The following ARMH1 variants were observed in gnomAD, a reference collection of about 807,000 sequenced individuals.
ARMH1 encodes the protein armadillo-like helical domain containing protein 1.
ARMH1 carries 34 observed loss-of-function variants against 50.2 expected under a neutral mutation model. The observed-to-expected ratio is 0.68, with a 90% CI of 0.51 to 0.90. The LOEUF is 0.90. ARMH1 is among the 40% of genes least tolerant of loss of function. The pLI, the probability that ARMH1 is intolerant of heterozygous loss-of-function variation, is 0.00. For missense variants in ARMH1, 538 were observed against 553.9 expected (o/e 0.97, Z 0.29); for synonymous variants, 221 against 224.2 (o/e 0.99, Z 0.13).
chr1:44,688,348 A>G (rs1451663887), intron 1 of ARMH1: 1 of 152,268 alleles, frequency 6.6e-6, no homozygotes, highest in Non-Finnish European at 1.5e-5. Context: ...CTGTCTCCGC[A>G]TGCCTCAGAT....
In ARMH1 at chr1:44,712,535, CAAAA is replaced by C. The variant is rs35480137; in HGVS notation, c.724+8381_724+8384del. On this transcript the variant is annotated intron_variant, in intron 6 of 11. Transcript: ENST00000535358. ...CTGTGGTCCCAGCTACAGGGAACCG[CAAAA>C]AAAAAAAAAAAAAAAAAAGGACAGA... Among the ~76,000 whole-genome samples the C allele has an allele frequency of 5.2e-3, 334 of 64,812 alleles. 2 individuals are homozygous for C. The highest frequency in any genetic ancestry group is 0.015 in the East Asian group (39 of 2,674). 42.5% of individuals were successfully genotyped at this position (64,812 alleles called of 152,430 possible).
intron 1 of ARMH1, 23 bp from the exon 2 acceptor site, chr1:44,689,653 G>C (rs1375444599): frequency 8.6e-6 from 13 of 1,513,996 alleles, no homozygotes; most frequent in South Asian, 3.6e-5. Context: ...CCGGTAACCT[G>C]TCTCTTTTCC....
At position 44,724,531 on chromosome 1, in the gene ARMH1, C is replaced by A; in HGVS notation, c.921-8C>A. On this transcript the variant is annotated splice_region_variant and splice_polypyrimidine_tract_variant and intron_variant, in intron 8 of 11. Coordinates refer to ENST00000535358, the MANE Select transcript of ARMH1 (RefSeq NM_001145636.2). The surrounding 1 kb of genome is among the most constrained non-coding windows in gnomAD (Gnocchi z 6.4). ...AGGGCGTCGCCCCAGCCCGAACCCC[C>A]GGCCCAGGGTCCTGGCGCGCAACGA... The A allele has an allele frequency of 6.6e-7, 1 of 1,505,744 alleles. No individual in the cohort carries two copies. The highest frequency in any genetic ancestry group is 2.7e-5 in the East Asian group (1 of 36,426). The allele number at this position is 1,505,744 out of a possible 1,614,324, so 93.3% of individuals were successfully genotyped here.
chr1:44,708,129 G>C (rs1002081404), intron 6 of ARMH1, among the ~76,000 whole-genome samples: 1 of 152,236 alleles, frequency 6.6e-6, no homozygotes, highest in Non-Finnish European at 1.5e-5. Context: ...GAAGAAATTC[G>C]CACGCCTTCA....
At chr1:44,714,554 C>T (rs1196383455) in intron 6 of ARMH1, among the ~76,000 whole-genome samples, 4 of 150,790 alleles carry the variant, frequency 2.7e-5, no homozygotes, top group South Asian at 4.2e-4. Context: ...CATTGCACTC[C>T]GGCCTGGGCA....
intron 6 of ARMH1, among the ~76,000 whole-genome samples, chr1:44,713,575 G>A (rs1420823665): frequency 6.6e-6 from 1 of 152,176 alleles, no homozygotes; most frequent in Non-Finnish European, 1.5e-5. Flanking sequence ...AAAAGTATAT[G>A]AGCACTTCAA....
Position 44,724,047 on chromosome 1 carries a change from G to A in ARMH1, c.725-75G>A, listed in dbSNP as rs1338963929. ...GGAGGACACTGACGAGTGGCGACTT[G>A]GTTCACGGGGTTCTTTGCTTCCTCG... On this transcript the variant is annotated intron_variant, in intron 6 of 11. Coordinates refer to ENST00000535358, the MANE Select transcript of ARMH1 (RefSeq NM_001145636.2). The surrounding 1 kb of genome is among the most constrained non-coding windows in gnomAD (Gnocchi z 6.4). 1.3e-6 allele frequency: 2 copies of A among 1,507,670 alleles called. No individual in the cohort carries two copies. Among genetic ancestry groups the A allele is most frequent in the East Asian group, 2.5e-5 (1 of 40,598 alleles). 93.4% of individuals were successfully genotyped at this position (1,507,670 alleles called of 1,614,324 possible).
intron 1 of ARMH1, chr1:44,688,991 C>T (rs1645566516): frequency 1.3e-5 from 2 of 152,172 alleles, no homozygotes; most frequent in Admixed American, 1.3e-4. Context: ...CTCTCAAGAC[C>T]TCAAGCCTCT....
intron 6 of ARMH1, among the ~76,000 whole-genome samples, chr1:44,707,558 T>C (rs937486049): frequency 5.9e-5 from 9 of 152,282 alleles, no homozygotes; most frequent in Admixed American, 5.9e-4. Context: ...GCCTCCCAAG[T>C]AGCTGGGACT....
intron 1 of ARMH1, among the ~76,000 whole-genome samples, chr1:44,685,839 G>C (rs1427896726): frequency 6.6e-6 from 1 of 152,034 alleles, no homozygotes; most frequent in Non-Finnish European, 1.5e-5. Context: ...TGTTGGCCAG[G>C]ATGGTCTTGA....
intron 1 of ARMH1, among the ~76,000 whole-genome samples, chr1:44,680,990 G>A (rs776361273): frequency 9.5e-5 from 14 of 147,494 alleles, no homozygotes; most frequent in Non-Finnish European, 1.8e-4. Flanking sequence ...GCCCCCTTCC[G>A]ATCCCCTTTT....
chr1:44,704,014 C>G (rs1431520116), intron 5 of ARMH1, 75 bp from the exon 6 acceptor site: 1 of 1,280,464 alleles, frequency 7.8e-7, no homozygotes, highest in Admixed American at 2.1e-5. Context: ...GCGTGAGCCA[C>G]CGCACCCGGC....
In ARMH1 at chr1:44,723,401, T is replaced by A. The variant is rs56211301; in HGVS notation, c.725-721T>A. ...AAGACTGAGTGAATGCTGGACTGAA[T>A]GAATGACTGCCTGTAAAATATCTAC... On this transcript the variant is annotated intron_variant, in intron 6 of 11. Coordinates refer to ENST00000535358, the MANE Select transcript of ARMH1 (RefSeq NM_001145636.2). Among the ~76,000 whole-genome samples, 9 of 152,300 alleles carry A rather than the reference T, an allele frequency of 5.9e-5. No homozygotes were observed. In the East Asian group the frequency reaches 1.7e-3, roughly 29 times the overall value.
At chr1:44,686,549 G>T (rs1573305962) in intron 1 of ARMH1, among the ~76,000 whole-genome samples, 2 of 152,126 alleles carry the variant, frequency 1.3e-5, no homozygotes, top group African/African-American at 4.8e-5. Flanking sequence ...GGTGGCACAT[G>T]CCTGTAATCC....
chr1:44,707,021 T>C (rs1278234854), intron 6 of ARMH1, among the ~76,000 whole-genome samples: 1 of 152,126 alleles, frequency 6.6e-6, no homozygotes, highest in African/African-American at 2.4e-5. Flanking sequence ...CCCTAAGCCC[T>C]TCCCTGACCC....
At chr1:44,715,904 G>T (rs186378045) in intron 6 of ARMH1, among the ~76,000 whole-genome samples, 1 of 152,284 alleles carries the variant, frequency 6.6e-6, no homozygotes, top group African/African-American at 2.4e-5. Flanking sequence ...CACCAGCACT[G>T]CACCTAGCAC....
In ARMH1 at chr1:44,724,544, T is replaced by C. The variant is rs1487005931; in HGVS notation, c.926T>C (p.Leu309Pro). 2 of 1,510,338 alleles carry C rather than the reference T, an allele frequency of 1.3e-6. No homozygotes were observed. Among genetic ancestry groups the C allele is most frequent in the Non-Finnish European group, 1.8e-6 (2 of 1,132,356 alleles). 93.6% of individuals were successfully genotyped at this position (1,510,338 alleles called of 1,614,324 possible). A position where few individuals can be genotyped will look rare whatever the true frequency, so the allele number is the denominator to read the frequency against. The change falls in exon 9 of 12, where the codon CTG (leucine) becomes CCG (proline). Residue 309 changes from leucine (L) to proline (P), a missense_variant. Transcript: ENST00000535358. The surrounding 1 kb of genome is among the most constrained non-coding windows in gnomAD (Gnocchi z 6.4). ...QAAAAKAIGV[L>P]ARNDMSIAEE... ...AGCCCGAACCCCCGGCCCAGGGTCC[T>C]GGCGCGCAACGACATGAGCATCGCC...
At position 44,725,191 on chromosome 1, in the gene ARMH1, C is replaced by A. The variant is rs372734015; in HGVS notation, c.1184C>A (p.Ala395Glu). 1.2e-5 allele frequency: 19 copies of A among 1,551,894 alleles called. No homozygotes were observed. The highest frequency in any genetic ancestry group is 4.9e-5 in the East Asian group (2 of 40,936). ...GACAGCATTCAGGCGGACATCTTGG[C>A]GGCCAACACAGTCAATGTTACCAAA... ...KIDSIQADILAANTVNVTKAL... is the reference protein window; with the variant it reads ...KIDSIQADILEANTVNVTKAL... Residue 395 changes from alanine (A) to glutamate (E), a missense_variant, in exon 11 of 12, where the codon GCG (alanine) becomes GAG (glutamate). Coordinates refer to ENST00000535358, the MANE Select transcript of ARMH1 (RefSeq NM_001145636.2).
chr1:44,679,407 A>T (rs1301452002), intron 1 of ARMH1, among the ~76,000 whole-genome samples: 1 of 152,222 alleles, frequency 6.6e-6, no homozygotes, highest in African/African-American at 2.4e-5. Context: ...ATTAGTGCTA[A>T]TTTGTTTGCT....
Sources: allele counts gnomAD v4.1 joint callset (sites outside exome capture counted in the v4.1 genomes callset), GRCh38; gene constraint gnomAD v4.1.1; non-coding constraint Gnocchi (gnomAD v3.1); transcripts MANE v1.5; gene names NCBI Gene and HGNC (gene_info 2026-07-23, HGNC 2026-07-21).